IFTAP: variants seen among roughly 807,000 people sequenced by gnomAD.
The protein encoded by IFTAP is intraflagellar transport associated protein, also known as intraflagellar transport-associated protein.
A neutral mutation model predicts 19.4 loss-of-function variants in IFTAP; 19 were observed. The observed-to-expected ratio is 0.98, with a 90% CI of 0.68 to 1.44. IFTAP has a LOEUF of 1.44. IFTAP is among the 40% of genes most tolerant of loss of function. IFTAP has a pLI of 0.00. For synonymous variants in IFTAP, 85 were observed against 83.5 expected (o/e 1.02, Z -0.10); for missense variants, 240 against 253.6 (o/e 0.95, Z 0.36).
Position 36,645,649 on chromosome 11 carries a change from T to C in IFTAP, c.359-2367T>C, listed in dbSNP as rs150900154. 7.2e-3 allele frequency among the ~76,000 whole-genome samples: 1,102 copies of C among 152,308 alleles called. 11 individuals are homozygous for C. The highest frequency in any genetic ancestry group is 0.025 in the African/African-American group (1,043 of 41,568). On this transcript the variant is annotated intron_variant, in intron 4 of 5. Transcript: ENST00000334307. Reference sequence around the variant, plus strand: ...AAAGGCTAAATGATTGCAGTACTTTTCTTTATAACATATGCCTTGCCAGGC... The same window carrying C: ...AAAGGCTAAATGATTGCAGTACTTTCCTTTATAACATATGCCTTGCCAGGC...
intron 2 of IFTAP, among the ~76,000 whole-genome samples, chr11:36,625,663 T>A (rs1852482147): frequency 6.6e-6 from 1 of 152,174 alleles, no homozygotes; most frequent in Admixed American, 6.5e-5. Context: ...TGCTAAATGT[T>A]ACTCACAGAA....
At chr11:36,631,573 T>C (rs1432636490) in intron 2 of IFTAP, among the ~76,000 whole-genome samples, 1 of 151,230 alleles carries the variant, frequency 6.6e-6, no homozygotes, top group Non-Finnish European at 1.5e-5. Flanking sequence ...TTTGATGCCA[T>C]GCACTGACAG....
At chr11:36,627,594 A>C (rs915171657) in intron 2 of IFTAP, among the ~76,000 whole-genome samples, 1 of 151,280 alleles carries the variant, frequency 6.6e-6, no homozygotes, top group African/African-American at 2.5e-5. Flanking sequence ...AACAGATTCT[A>C]CCTTGTGTTG....
At chr11:36,634,055 A>C (rs574355411) in intron 3 of IFTAP, among the ~76,000 whole-genome samples, 9 of 152,230 alleles carry the variant, frequency 5.9e-5, no homozygotes, top group Admixed American at 2.6e-4. Context: ...TTTTCTAACA[A>C]GGGAACAAAA....
chr11:36,636,928 T>G (rs941202250), intron 4 of IFTAP, among the ~76,000 whole-genome samples: 1 of 140,122 alleles, frequency 7.1e-6, no homozygotes, highest in Non-Finnish European at 1.6e-5. Context: ...AGGAAGTTTT[T>G]TTTTTTTTTT....
intron 4 of IFTAP, among the ~76,000 whole-genome samples, chr11:36,640,614 C>T (rs1236567003): frequency 2.0e-5 from 3 of 152,074 alleles, no homozygotes; most frequent in Admixed American, 1.3e-4. Flanking sequence ...GTGAGCCTGT[C>T]TCTTCAAGGC....
chr11:36,648,853 C>G (rs1310110753), intron 5 of IFTAP, among the ~76,000 whole-genome samples: 2 of 152,140 alleles, frequency 1.3e-5, no homozygotes, highest in African/African-American at 4.8e-5. Context: ...CATGTTCATA[C>G]TGGCCACAGG....
intron 3 of IFTAP, among the ~76,000 whole-genome samples, chr11:36,634,624 A>G (rs1044223875): frequency 3.9e-5 from 6 of 152,144 alleles, no homozygotes; most frequent in Admixed American, 3.9e-4. Flanking sequence ...TTTTTCAGAT[A>G]GTGATGGATG....
At chr11:36,651,763 C>T (rs1214998614) in intron 5 of IFTAP, among the ~76,000 whole-genome samples, 2 of 152,198 alleles carry the variant, frequency 1.3e-5, no homozygotes, top group Non-Finnish European at 2.9e-5. Flanking sequence ...TTTCAGCTTT[C>T]TACATATGGC....
intron 2 of IFTAP, among the ~76,000 whole-genome samples, chr11:36,628,537 T>G (rs1266130248): frequency 6.6e-6 from 1 of 151,340 alleles, no homozygotes; most frequent in Admixed American, 6.6e-5. Flanking sequence ...TCCTAGTTTG[T>G]AAACTCTGTG....
At chr11:36,609,132 C>T (rs1851790260) in intron 1 of IFTAP, among the ~76,000 whole-genome samples, 1 of 152,090 alleles carries the variant, frequency 6.6e-6, no homozygotes, top group African/African-American at 2.4e-5. Context: ...TAACAGTAAA[C>T]CCTAGTACAG....
Position 36,633,604 on chromosome 11 carries a change from T to C in IFTAP, c.291+166T>C, listed in dbSNP as rs547747025. Among the ~76,000 whole-genome samples, 11 of 152,268 alleles carry C rather than the reference T, an allele frequency of 7.2e-5. No homozygotes were observed. The East Asian group carries it at 2.1e-3, about 29-fold the overall frequency. Reference sequence around the variant, plus strand: ...CTTTATTGAAAGTCATCATTACATATATTTCATAATGTTGACAGCTATTGT... The same window carrying C: ...CTTTATTGAAAGTCATCATTACATACATTTCATAATGTTGACAGCTATTGT... On this transcript the variant is annotated intron_variant, in intron 3 of 5. Coordinates refer to ENST00000334307, the MANE Select transcript of IFTAP (RefSeq NM_138787.4).
intron 2 of IFTAP, among the ~76,000 whole-genome samples, chr11:36,623,873 T>A (rs893888028): frequency 3.9e-5 from 6 of 152,156 alleles, no homozygotes; most frequent in Non-Finnish European, 7.4e-5. Flanking sequence ...AAGAGTAGAA[T>A]TTTATGATTA....
At chr11:36,613,323 GC>G (rs1464835782) in intron 2 of IFTAP, among the ~76,000 whole-genome samples, 1 of 151,792 alleles carries the variant, frequency 6.6e-6, no homozygotes, top group Non-Finnish European at 1.5e-5. Context: ...CTTTCTTCTT[GC>G]CTGTCATATT....
chr11:36,652,561 T>C (rs1451466195), intron 5 of IFTAP, among the ~76,000 whole-genome samples: 2 of 152,192 alleles, frequency 1.3e-5, no homozygotes. Context: ...TCCTGCCTGA[T>C]TGCCCTGGCC....
At chr11:36,605,211 T>A (rs10501159) in intron 1 of IFTAP, among the ~76,000 whole-genome samples, 22,580 of 151,740 alleles carry the variant, frequency 0.15, 2,461 homozygotes, top group African/African-American at 0.3. Context: ...GAGCAGAAGA[T>A]TACCATTTTG....
At chr11:36,627,930 T>C (rs993992708) in intron 2 of IFTAP, among the ~76,000 whole-genome samples, 5 of 151,414 alleles carry the variant, frequency 3.3e-5, no homozygotes, top group Non-Finnish European at 5.9e-5. Flanking sequence ...TTCTGTGATA[T>C]CTGGAGAGGA....
At position 36,649,171 on chromosome 11, in the gene IFTAP, T is replaced by A. The variant is rs1260854722; in HGVS notation, c.498+1016T>A. Reference sequence around the variant, plus strand: ...AGGTACTAGTCTTGTTACTAAAAGATATTCTGTTATAGAATTAGCCATTCA... The same window carrying A: ...AGGTACTAGTCTTGTTACTAAAAGAAATTCTGTTATAGAATTAGCCATTCA... On this transcript the variant is annotated intron_variant, in intron 5 of 5. Transcript: ENST00000334307. Among the ~76,000 whole-genome samples, 3 of 152,212 alleles carry A rather than the reference T, an allele frequency of 2.0e-5. No homozygotes were observed. In the East Asian group the frequency reaches 5.8e-4, roughly 29 times the overall value.
chr11:36,631,653 CT>C (rs1240935161), intron 2 of IFTAP, among the ~76,000 whole-genome samples: 1 of 151,072 alleles, frequency 6.6e-6, no homozygotes, highest in Non-Finnish European at 1.5e-5. Flanking sequence ...ACAGATGTTC[CT>C]AAGGAACTCA....
Sources: allele counts gnomAD v4.1 joint callset (sites outside exome capture counted in the v4.1 genomes callset), GRCh38; gene constraint gnomAD v4.1.1; transcripts MANE v1.5; gene names NCBI Gene and HGNC (gene_info 2026-07-23, HGNC 2026-07-21).